IGSF3: variants seen among roughly 807,000 people sequenced by gnomAD.
The protein encoded by IGSF3 is glu-Trp-Ile EWI motif-containing protein 3.
In IGSF3, 23 loss-of-function variants were observed where a neutral mutation model predicts 114.4. The ratio of observed to expected loss-of-function variants is 0.20; its 90% CI spans 0.14 to 0.28. IGSF3 has a LOEUF of 0.28. Among genes scored for constraint, IGSF3 ranks in the 10% least tolerant of loss-of-function variants. The pLI is 1.00. For missense variants in IGSF3, 1,172 were observed against 1,591.5 expected (o/e 0.74, Z 4.48); for synonymous variants, 571 against 645.2 (o/e 0.88, Z 1.74).
chr1:116,585,033 G>A lies in IGSF3; in HGVS notation c.2460C>T (p.Ser820=), dbSNP rs199709861. The change falls in exon 9 of 11, where the codon AGC becomes AGT. Residue 820 remains serine, a synonymous_variant. Transcript: ENST00000369486. This position sits in a 1 kb window ranked among gnomAD's most constrained non-coding sequence, Gnocchi z 4.9. ...VKQPDSRLRL[S]QAQGNLSVLE... ...GAACCGACAGGTTCCCCTGGGCTTG[G>A]CTGAGCCTCAGGCGGCTGTCTGGAA... 1 of 1,543,426 alleles carries A rather than the reference G, an allele frequency of 6.5e-7. No homozygotes were observed. The highest frequency in any genetic ancestry group is 8.8e-7 in the Non-Finnish European group (1 of 1,141,572).
chr1:116,575,773 TAAG>T lies in IGSF3; in HGVS notation c.*1536_*1538del, dbSNP rs1473578946. ...GAAATATTTGCAATTGATGATGCCCTAAGAAGGACAAGCAGCACCTGGCCCAAC... is the reference window on the plus strand; with the variant it reads ...GAAATATTTGCAATTGATGATGCCCTAAGGACAAGCAGCACCTGGCCCAAC... On this transcript the variant is annotated 3_prime_UTR_variant, in exon 11 of 11. Coordinates refer to ENST00000369486, the MANE Select transcript of IGSF3 (RefSeq NM_001007237.3). This position sits in a 1 kb window ranked among gnomAD's most constrained non-coding sequence, Gnocchi z 5.6. 6.6e-6 allele frequency: 1 copy of T among 152,074 alleles called. No homozygotes were observed. The highest frequency in any genetic ancestry group is 2.1e-4 in the South Asian group (1 of 4,826). 9.4% of individuals were successfully genotyped at this position (152,074 alleles called of 1,614,324 possible).
At chr1:116,613,696 C>T in intron 4 of IGSF3, 69 bp downstream of exon 4, 1 of 1,452,802 alleles carries the variant, frequency 6.9e-7, no homozygotes, top group Non-Finnish European at 9.5e-7. Context: ...GGAGTCTCCA[C>T]ATTCTCCCAG....
At chr1:116,658,330 A>G (rs1204660957) in intron 2 of IGSF3, among the ~76,000 whole-genome samples, 1 of 151,996 alleles carries the variant, frequency 6.6e-6, no homozygotes, top group Non-Finnish European at 1.5e-5. Flanking sequence ...ATGAGCCACC[A>G]CGCCTGGCCT....
In IGSF3 at chr1:116,634,887, G is replaced by A. The variant is rs1035633939; in HGVS notation, c.44-18430C>T. ...TAAGCCATCTGCCTGCTCCGAGCCCGCCACACTATAAGGAAGCCCAAGCTA... is the reference window on the plus strand; with the variant it reads ...TAAGCCATCTGCCTGCTCCGAGCCCACCACACTATAAGGAAGCCCAAGCTA... On this transcript the variant is annotated intron_variant, in intron 2 of 10. Transcript: ENST00000369486. The surrounding 1 kb of genome is among the most constrained non-coding windows in gnomAD (Gnocchi z 4.2). Among the ~76,000 whole-genome samples, 4 of 152,020 alleles carry A rather than the reference G, an allele frequency of 2.6e-5. No individual in the cohort carries two copies. The highest frequency in any genetic ancestry group is 4.8e-5 in the African/African-American group (2 of 41,378).
intron 2 of IGSF3, among the ~76,000 whole-genome samples, chr1:116,659,879 C>T (rs1649038457): frequency 6.6e-6 from 1 of 152,194 alleles, no homozygotes; most frequent in South Asian, 2.1e-4. Flanking sequence ...CTCAGCCTCC[C>T]AAAGTGCTAG....
intron 2 of IGSF3, among the ~76,000 whole-genome samples, chr1:116,663,584 G>A (rs1402420313): frequency 2.0e-5 from 3 of 152,032 alleles, no homozygotes; most frequent in Admixed American, 6.6e-5. Flanking sequence ...GGTCAAGGGG[G>A]TAGGTACAAA....
rs1402345278 is a variant in IGSF3 at position 116,583,399 on chromosome 1, G to A, written c.2848+1246C>T. ...GAAAAATAGGAGTTAACTCAAAGTG[G>A]AGGCAATGTTCCCTGCAGTTTAGGC... is the stretch of plus-strand genomic sequence containing the variant. On this transcript the variant is annotated intron_variant, in intron 9 of 10. Coordinates refer to ENST00000369486, the MANE Select transcript of IGSF3 (RefSeq NM_001007237.3). This position sits in a 1 kb window ranked among gnomAD's most constrained non-coding sequence, Gnocchi z 4.5. 2.0e-5 allele frequency among the ~76,000 whole-genome samples: 3 copies of A among 152,160 alleles called. No individual in the cohort carries two copies. The highest frequency in any genetic ancestry group is 7.2e-5 in the African/African-American group (3 of 41,432).
Position 116,632,435 on chromosome 1 carries a change from T to C in IGSF3, c.44-15978A>G, listed in dbSNP as rs1486664172. On this transcript the variant is annotated intron_variant, in intron 2 of 10. Transcript: ENST00000369486. The surrounding 1 kb of genome is among the most constrained non-coding windows in gnomAD (Gnocchi z 5.1). The stretch of plus-strand genomic sequence containing the variant: ...GACATTCCCCAGGACTCAAGCAGCA[T>C]CTGAGAAGCCACTTTCAACATAACT... Among the ~76,000 whole-genome samples the C allele has an allele frequency of 6.6e-6, 1 of 152,074 alleles. No individual in the cohort carries two copies. Among genetic ancestry groups the C allele is most frequent in the Non-Finnish European group, 1.5e-5 (1 of 68,022 alleles).
rs200409720 is a variant in IGSF3, at chr1:116,579,483, A to G, written c.3243T>C (p.His1081=). 54 of 1,613,484 alleles carry G rather than the reference A, an allele frequency of 3.3e-5. No individual in the cohort carries two copies. The Admixed American group carries it at 3.5e-4, about 10-fold the overall frequency. ...GAGGGCTGGGCAGCCACTCCTCCAC[A>G]TGGCAGGAGTAATTGCCTGTATCTT... ...SPQDTGNYSC[H]VEEWLPSPQK... is the part of the protein sequence containing the mutation. Residue 1081 remains histidine (H), a synonymous_variant, in exon 10 of 11, where the codon CAT becomes CAC. Transcript: ENST00000369486. This position sits in a 1 kb window ranked among gnomAD's most constrained non-coding sequence, Gnocchi z 6.4.
chr1:116,663,472 G>A (rs1306145263), intron 2 of IGSF3, among the ~76,000 whole-genome samples: 1 of 149,462 alleles, frequency 6.7e-6, no homozygotes, highest in Non-Finnish European at 1.5e-5. Flanking sequence ...AAATGGCTTT[G>A]TAATTGGAAC....
At chr1:116,666,215 G>A (rs924081980) in intron 2 of IGSF3, 69 bp downstream of exon 2, 18 of 1,426,346 alleles carry the variant, frequency 1.3e-5, no homozygotes, top group Middle Eastern at 3.5e-4. Context: ...AAAGAACCAC[G>A]AGAAATTACA....
rs531556180 is a variant in IGSF3, at chr1:116,584,233, C to A, written c.2848+412G>T. ...GTATTGGGAAGTGACAGAGTGAAGG[C>A]TGCACACAATTCATTGTTTTCTATT... is the stretch of plus-strand genomic sequence containing the variant. On this transcript the variant is annotated intron_variant, in intron 9 of 10. Transcript: ENST00000369486. This position sits in a 1 kb window ranked among gnomAD's most constrained non-coding sequence, Gnocchi z 5.8. 6.6e-6 allele frequency among the ~76,000 whole-genome samples: 1 copy of A among 152,038 alleles called. No individual in the cohort carries two copies. Among genetic ancestry groups the A allele is most frequent in the African/African-American group, 2.4e-5 (1 of 41,470 alleles).
rs1430252732 is a variant in IGSF3, at chr1:116,647,886, C to A, written c.43+18398G>T. ...TGGGAGGCCAAGGCGGGCGGATCAC[C>A]TGAGGTCAGGAGTTCAAGACCAGCC... On this transcript the variant is annotated intron_variant, in intron 2 of 10. Coordinates refer to ENST00000369486, the MANE Select transcript of IGSF3 (RefSeq NM_001007237.3). This position sits in a 1 kb window ranked among gnomAD's most constrained non-coding sequence, Gnocchi z 4.6. 2.6e-5 allele frequency among the ~76,000 whole-genome samples: 4 copies of A among 152,164 alleles called. No individual in the cohort carries two copies. Among genetic ancestry groups the A allele is most frequent in the African/African-American group, 9.7e-5 (4 of 41,422 alleles).
At position 116,624,900 on chromosome 1, in the gene IGSF3, A is replaced by G. The variant is rs921417949; in HGVS notation, c.44-8443T>C. On this transcript the variant is annotated intron_variant, in intron 2 of 10. Coordinates refer to ENST00000369486, the MANE Select transcript of IGSF3 (RefSeq NM_001007237.3). This position sits in a 1 kb window ranked among gnomAD's most constrained non-coding sequence, Gnocchi z 4.9. ...GCTCCAGCCAGGTCCACCTGCCACA[A>G]TGTGAGTGAATGAGCCAATCAGCAC... is the stretch of plus-strand genomic sequence containing the variant. Among the ~76,000 whole-genome samples the G allele has an allele frequency of 1.4e-4, 21 of 152,324 alleles. No individual in the cohort carries two copies. Among genetic ancestry groups the G allele is most frequent in the Non-Finnish European group, 1.6e-4 (11 of 68,024 alleles).
In IGSF3 at chr1:116,592,319, A is replaced by T. The variant is rs909045453; in HGVS notation, c.2030-3215T>A. Among the ~76,000 whole-genome samples, 6 of 152,196 alleles carry T rather than the reference A, an allele frequency of 3.9e-5. No individual in the cohort carries two copies. Among genetic ancestry groups the T allele is most frequent in the African/African-American group, 1.4e-4 (6 of 41,446 alleles). ...GAGGCTTGGTTAACCCCCAACAGTG[A>T]ATTGGCAGGAGGAAGAAAGAATCCA... On this transcript the variant is annotated intron_variant, in intron 7 of 10. Transcript: ENST00000369486. This position sits in a 1 kb window ranked among gnomAD's most constrained non-coding sequence, Gnocchi z 4.5.
chr1:116,581,320 C>CTTTT (rs955415319), intron 9 of IGSF3, among the ~76,000 whole-genome samples: 356 of 70,212 alleles, frequency 5.1e-3, no homozygotes, highest in African/African-American at 7.3e-3. Flanking sequence ...GTTTTGCTGT[C>CTTTT]TTTTTTTTTT....
rs149128129 is a variant in IGSF3 at position 116,615,286 on chromosome 1, T to TACAC, written c.421+790_421+793dup. On this transcript the variant is annotated intron_variant, in intron 3 of 10. Transcript: ENST00000369486. This position sits in a 1 kb window ranked among gnomAD's most constrained non-coding sequence, Gnocchi z 4.3. Reference sequence around the variant, plus strand: ...CGAAGCTCCATCACACATACACACATACACACACACACACACACACGAAAA... The same window carrying TACAC: ...CGAAGCTCCATCACACATACACACATACACACACACACACACACACACACGAAAA... 5.5e-3 allele frequency among the ~76,000 whole-genome samples: 792 copies of TACAC among 142,838 alleles called. 7 individuals carry two copies. The highest frequency in any genetic ancestry group is 0.019 in the African/African-American group (755 of 38,758). 93.7% of individuals were successfully genotyped at this position (142,838 alleles called of 152,430 possible).
chr1:116,609,370 C>T (rs927716277), intron 4 of IGSF3, among the ~76,000 whole-genome samples: 1 of 152,054 alleles, frequency 6.6e-6, no homozygotes, highest in African/African-American at 2.4e-5. Flanking sequence ...CCTCAGCCTC[C>T]GGAGTAGCCA....
chr1:116,658,941 A>G (rs1648997505), intron 2 of IGSF3, among the ~76,000 whole-genome samples: 1 of 152,304 alleles, frequency 6.6e-6, no homozygotes, highest in South Asian at 2.1e-4. Flanking sequence ...TGTTCGGCAA[A>G]GCCTTGGTCG....
Sources: allele counts gnomAD v4.1 joint callset (sites outside exome capture counted in the v4.1 genomes callset), GRCh38; gene constraint gnomAD v4.1.1; non-coding constraint Gnocchi (gnomAD v3.1); transcripts MANE v1.5; gene names NCBI Gene and HGNC (gene_info 2026-07-23, HGNC 2026-07-21).